Variants in PPM1B observed in about 807,000 individuals in gnomAD.
PPM1B encodes the protein protein phosphatase, Mg2+/Mn2+ dependent 1B.
A neutral mutation model predicts 43.0 loss-of-function variants in PPM1B; 22 were observed. The observed-to-expected ratio is 0.51, with a 90% confidence interval of 0.37 to 0.73. The LOEUF (loss-of-function observed/expected upper bound fraction) is 0.73. Ranked by LOEUF, PPM1B falls within the 30% of genes least tolerant of loss-of-function variation. The pLI, the probability that PPM1B is intolerant of heterozygous loss-of-function variation, is 0.00. For synonymous variants in PPM1B, 217 were observed against 197.9 expected, an observed-to-expected ratio of 1.10 and a Z score of -0.81; for missense variants, 632 against 584.2, an observed-to-expected ratio of 1.08 and a Z score of -0.84.
chr2:44,237,516 GA>G (rs1670651556), downstream of PPM1B, among the ~76,000 whole-genome samples: 1 of 152,170 alleles, frequency 6.6e-6, no homozygotes, highest in African/African-American at 2.4e-5. Flanking sequence ...ATTCAGAGGT[GA>G]GGGGCACTTA....
At chr2:44,234,283 G>A, downstream of PPM1B, 2 of 892,250 alleles carry the variant, frequency 2.2e-6, no homozygotes, top group South Asian at 5.2e-5. Context: ...CACTTTGGGA[G>A]GCCAAGGCGG....
chr2:44,169,920 C>G (rs779003043), intron 1 of PPM1B, among the ~76,000 whole-genome samples: 3 of 151,552 alleles, frequency 2.0e-5, no homozygotes, highest in Non-Finnish European at 4.4e-5. Flanking sequence ...TTGTCAGTAC[C>G]CCAAATCTAC....
At chr2:44,193,206 T>G (rs910092846) in intron 1 of PPM1B, among the ~76,000 whole-genome samples, 24 of 152,200 alleles carry the variant, frequency 1.6e-4, no homozygotes, top group Non-Finnish European at 3.4e-4. Context: ...GGTTCACTTT[T>G]CTCCATATCC....
intron 1 of PPM1B, among the ~76,000 whole-genome samples, chr2:44,188,739 T>TTTCCTTCC (rs557248948): frequency 6.7e-6 from 1 of 148,478 alleles, no homozygotes; most frequent in Admixed American, 6.8e-5. Context: ...TCCTTCCTTC[T>TTTCCTTCC]TTCCTTCCTT....
At chr2:44,199,332 A>G (rs937645926) in intron 1 of PPM1B, among the ~76,000 whole-genome samples, 1 of 146,914 alleles carries the variant, frequency 6.8e-6, no homozygotes, top group Non-Finnish European at 1.5e-5. Context: ...AATAAAAAAA[A>G]AAAAAATTGA....
intron 1 of PPM1B, among the ~76,000 whole-genome samples, chr2:44,194,028 A>ATTTG (rs892313818): frequency 1.3e-4 from 19 of 151,722 alleles, no homozygotes; most frequent in African/African-American, 2.9e-4. Flanking sequence ...GGTTTTGTTT[A>ATTTG]TTTGTTTGTT....
At chr2:44,173,511 A>T (rs1280016380) in intron 1 of PPM1B, among the ~76,000 whole-genome samples, 1 of 152,240 alleles carries the variant, frequency 6.6e-6, no homozygotes, top group African/African-American at 2.4e-5. Context: ...TAACAACCAT[A>T]AACACTTTAC....
chr2:44,199,904 T>C (rs377263046), intron 1 of PPM1B, among the ~76,000 whole-genome samples: 119 of 152,306 alleles, frequency 7.8e-4, no homozygotes, highest in East Asian at 3.9e-3. Context: ...AATGGCGATA[T>C]GTAATTTTAT....
Position 44,201,643 on chromosome 2 carries a change from C to T in PPM1B, c.444C>T (p.Asn148=), listed in dbSNP as rs191533809. The T allele has an allele frequency of 9.7e-5, 156 of 1,614,190 alleles. No individual in the cohort carries two copies. Among genetic ancestry groups the T allele is most frequent in the Middle Eastern group, 3.3e-4 (2 of 6,062 alleles). Reference sequence around the variant, plus strand: ...CACCTAAGCATATCTACTTTATCAACTGTGGTGATTCACGTGCTGTTCTGT... The same window carrying T: ...CACCTAAGCATATCTACTTTATCAATTGTGGTGATTCACGTGCTGTTCTGT... The part of the protein sequence containing the change: ...MISPKHIYFI[N]CGDSRAVLYR... Residue 148 remains asparagine (N), a synonymous_variant, in exon 2 of 6, where the codon AAC becomes AAT. Transcript: ENST00000282412. The surrounding 1 kb of genome is among the most constrained non-coding windows in gnomAD (Gnocchi z 5.4).
At chr2:44,206,388 C>T (rs770958735) in intron 2 of PPM1B, among the ~76,000 whole-genome samples, 1 of 152,158 alleles carries the variant, frequency 6.6e-6, no homozygotes, top group Non-Finnish European at 1.5e-5. Context: ...GGAAAGCCAT[C>T]TTTACATAGA....
At chr2:44,191,936 C>G (rs1320670465) in intron 1 of PPM1B, among the ~76,000 whole-genome samples, 1 of 152,028 alleles carries the variant, frequency 6.6e-6, no homozygotes, top group Non-Finnish European at 1.5e-5. Flanking sequence ...TACTTTCAGT[C>G]CTGACACTTA....
intron 3 of PPM1B, among the ~76,000 whole-genome samples, chr2:44,213,013 CA>C (rs57091283): frequency 0.088 from 5,774 of 65,358 alleles, 211 homozygotes; most frequent in African/African-American, 0.24. Context: ...ACTCCGTTTC[CA>C]AAAAAAAAAA....
intron 5 of PPM1B, among the ~76,000 whole-genome samples, chr2:44,227,592 C>T (rs1670276125): frequency 6.7e-6 from 1 of 149,708 alleles, no homozygotes; most frequent in Non-Finnish European, 1.5e-5. Flanking sequence ...GATCTTGGCT[C>T]ACTGCAACCT....
intron 2 of PPM1B, among the ~76,000 whole-genome samples, chr2:44,204,858 CAAAAA>C (rs368660082): frequency 1.6e-4 from 6 of 36,686 alleles, no homozygotes; most frequent in Non-Finnish European, 2.3e-4. Flanking sequence ...GACTCCGTCT[CAAAAA>C]AAAAAAAAAA....
chr2:44,202,958 G>A (rs1352882290), intron 2 of PPM1B, among the ~76,000 whole-genome samples: 2 of 152,098 alleles, frequency 1.3e-5, no homozygotes, highest in Admixed American at 6.5e-5. Flanking sequence ...AGATACCAAG[G>A]TAAAACTGAC....
At chr2:44,228,657 C>A (rs1670332559) in intron 5 of PPM1B, among the ~76,000 whole-genome samples, 1 of 151,862 alleles carries the variant, frequency 6.6e-6, no homozygotes, top group Admixed American at 6.6e-5. Flanking sequence ...TTTTATTTTC[C>A]CAATATTTTA....
intron 1 of PPM1B, among the ~76,000 whole-genome samples, chr2:44,192,221 G>A (rs139681517): frequency 1.7e-4 from 25 of 150,994 alleles, no homozygotes; most frequent in Admixed American, 4.0e-4. Flanking sequence ...GTATTGTATT[G>A]TATTGTATTG....
intron 1 of PPM1B, among the ~76,000 whole-genome samples, chr2:44,181,691 A>G (rs1667882731): frequency 6.6e-6 from 1 of 152,180 alleles, no homozygotes; most frequent in Non-Finnish European, 1.5e-5. Flanking sequence ...TACTAATACA[A>G]ATAGGTGGGT....
At chr2:44,228,964 C>G (rs769746333) in intron 5 of PPM1B, among the ~76,000 whole-genome samples, 2 of 152,124 alleles carry the variant, frequency 1.3e-5, no homozygotes, top group African/African-American at 2.4e-5. Flanking sequence ...AGGCAGATCA[C>G]CTGAGGTTGG....
Sources: allele counts gnomAD v4.1 joint callset (sites outside exome capture counted in the v4.1 genomes callset), GRCh38; gene constraint gnomAD v4.1.1; non-coding constraint Gnocchi (gnomAD v3.1); transcripts MANE v1.5; gene names NCBI Gene and HGNC (gene_info 2026-07-23, HGNC 2026-07-21).